The following AGBL3 variants were observed in gnomAD, a reference collection of about 807,000 sequenced individuals.
AGBL3 encodes AGBL carboxypeptidase 3, also known as cytosolic carboxypeptidase 3.
Under a neutral mutation model 94.5 loss-of-function variants are expected in AGBL3, and 68 were observed. That is an observed-to-expected ratio of 0.72 (90% CI 0.59 to 0.88). The LOEUF is 0.88. Ranked by LOEUF, AGBL3 falls within the 40% of genes least tolerant of loss-of-function variation. AGBL3 has a pLI of 0.00. For missense variants in AGBL3, 934 were observed against 1,103.8 expected (o/e 0.85, Z 2.18); for synonymous variants, 354 against 370.7 (o/e 0.95, Z 0.52).
intron 16 of AGBL3, 33 bp from the exon 17 acceptor site, chr7:135,134,808 G>T: frequency 6.5e-7 from 1 of 1,536,390 alleles, no homozygotes; most frequent in East Asian, 2.5e-5. Flanking sequence ...GTCCATGATG[G>T]ACAAAAATTC....
chr7:135,050,704 A>G (rs1331189270), intron 11 of AGBL3, among the ~76,000 whole-genome samples: 1 of 151,900 alleles, frequency 6.6e-6, no homozygotes, highest in Admixed American at 6.6e-5. Flanking sequence ...CTTAAAGTCT[A>G]TTTTATCTGA....
chr7:134,993,790 T>C (rs929994013), intron 4 of AGBL3, 112 bp downstream of exon 4: 29 of 875,516 alleles, frequency 3.3e-5, no homozygotes, highest in Non-Finnish European at 4.6e-5. Context: ...AACAGAAATA[T>C]AACATGAGCC....
chr7:134,989,774 A>C (rs1809988190), intron 3 of AGBL3, among the ~76,000 whole-genome samples: 1 of 152,142 alleles, frequency 6.6e-6, no homozygotes, highest in Admixed American at 6.5e-5. Context: ...ATCTCTACTA[A>C]ATATTTACAT....
intron 12 of AGBL3, among the ~76,000 whole-genome samples, chr7:135,071,725 C>T (rs941573763): frequency 1.3e-5 from 2 of 152,206 alleles, no homozygotes; most frequent in African/African-American, 4.8e-5. Context: ...AAAGCTGAAA[C>T]TGAATCTCTT....
At chr7:135,109,311 C>G (rs527486474) in intron 15 of AGBL3, among the ~76,000 whole-genome samples, 1 of 152,328 alleles carries the variant, frequency 6.6e-6, no homozygotes, top group East Asian at 1.9e-4. Flanking sequence ...CGGGTGAGGG[C>G]TGCAAGAGAG....
rs1304631672 is a variant in AGBL3, at chr7:135,037,629, T to C, written c.1500+49T>C. On this transcript the variant is annotated intron_variant, in intron 8 of 16. Transcript: ENST00000436302. The stretch of plus-strand genomic sequence containing the variant: ...CTTTTCCTTTATCAAATGTTGCCCA[T>C]GTGAGATAGCAGAATGGCCCACGTG... 10 of 1,441,024 alleles carry C rather than the reference T, an allele frequency of 6.9e-6. No homozygotes were observed. In the South Asian group the frequency reaches 8.8e-5, roughly 13 times the overall value. 89.3% of individuals were successfully genotyped at this position (1,441,024 alleles called of 1,614,324 possible).
intron 16 of AGBL3, 103 bp downstream of exon 16, chr7:135,115,714 A>G (rs1826225976): frequency 1.0e-6 from 1 of 953,832 alleles, no homozygotes; most frequent in Non-Finnish European, 1.5e-6. Context: ...TCTGCTCTTG[A>G]AAATGATGTC....
intron 3 of AGBL3, among the ~76,000 whole-genome samples, chr7:134,992,350 G>C (rs1198264179): frequency 6.6e-6 from 1 of 152,098 alleles, no homozygotes; most frequent in East Asian, 1.9e-4. Flanking sequence ...GAGAAATCTT[G>C]CCTGACCACC....
chr7:135,084,007 T>C (rs1171570432), intron 15 of AGBL3, among the ~76,000 whole-genome samples: 2 of 152,200 alleles, frequency 1.3e-5, no homozygotes, highest in Admixed American at 6.5e-5. Flanking sequence ...GGCCAAGCAG[T>C]TGGGGCCCAG....
At position 135,034,920 on chromosome 7, in the gene AGBL3, G is replaced by A. The variant is rs774834856; in HGVS notation, c.1329G>A (p.Met443Ile). 668 of 1,494,244 alleles carry A rather than the reference G, an allele frequency of 4.5e-4. No homozygotes were observed. The highest frequency in any genetic ancestry group is 5.7e-4 in the Non-Finnish European group (638 of 1,122,950). 92.6% of individuals were successfully genotyped at this position (1,494,244 alleles called of 1,614,324 possible). Residue 443 changes from methionine to isoleucine, a missense_variant, in exon 7 of 17, where the codon ATG (methionine) becomes ATA (isoleucine). Physicochemically the swap from Met to Ile is conservative, Grantham distance 10 (BLOSUM62 1). Transcript: ENST00000436302. The part of the protein sequence containing the change: ...SFPSVWYTRN[M>I]VHRLMEKREV... ...CTTCTGTATGGTATACCCGGAACAT[G>A]GTTCATAGGTAAAATAAGCCTCAAA...
At chr7:135,056,550 G>A (rs2116665060) in intron 11 of AGBL3, among the ~76,000 whole-genome samples, 1 of 151,740 alleles carries the variant, frequency 6.6e-6, no homozygotes, top group Non-Finnish European at 1.5e-5. Context: ...ATTATAGAAG[G>A]ATTTAAAGAT....
intron 12 of AGBL3, among the ~76,000 whole-genome samples, chr7:135,062,149 A>T (rs927508355): frequency 4.6e-5 from 7 of 152,026 alleles, no homozygotes; most frequent in Admixed American, 1.3e-4. Context: ...TTTTGTAGAT[A>T]TTATAAATGG....
chr7:134,991,047 T>G (rs528964570), intron 3 of AGBL3, among the ~76,000 whole-genome samples: 1 of 152,164 alleles, frequency 6.6e-6, no homozygotes, highest in Non-Finnish European at 1.5e-5. Context: ...TATGCTTATT[T>G]GGTTCTTTCC....
At chr7:135,053,298 G>GT (rs965797178) in intron 11 of AGBL3, among the ~76,000 whole-genome samples, 5 of 152,070 alleles carry the variant, frequency 3.3e-5, no homozygotes, top group African/African-American at 1.2e-4. Context: ...AAAGTAGTTA[G>GT]TACCTTGTTA....
chr7:135,096,563 AGATAGATAGAT>A (rs1563259962), intron 15 of AGBL3, among the ~76,000 whole-genome samples: 1 of 90,110 alleles, frequency 1.1e-5, no homozygotes, highest in Non-Finnish European at 2.3e-5. Context: ...AAAGAAAGAT[AGATAGATAGAT>A]AGATAGATAC....
intron 15 of AGBL3, among the ~76,000 whole-genome samples, chr7:135,113,053 A>G (rs1258442763): frequency 6.6e-6 from 1 of 152,206 alleles, no homozygotes; most frequent in Non-Finnish European, 1.5e-5. Flanking sequence ...CTGAGATTAC[A>G]AGCATGAGCT....
intron 11 of AGBL3, among the ~76,000 whole-genome samples, chr7:135,048,673 T>C (rs1020741579): frequency 6.6e-6 from 1 of 151,882 alleles, no homozygotes; most frequent in Non-Finnish European, 1.5e-5. Flanking sequence ...TCATTATTAG[T>C]ATATAGAAAC....
intron 12 of AGBL3, among the ~76,000 whole-genome samples, chr7:135,072,503 T>C (rs1820019560): frequency 6.6e-6 from 1 of 152,146 alleles, no homozygotes; most frequent in African/African-American, 2.4e-5. Context: ...AGCAAAGTCT[T>C]GGAACCAACC....
chr7:135,053,324 C>CA (rs976674893), intron 11 of AGBL3, among the ~76,000 whole-genome samples: 29 of 152,062 alleles, frequency 1.9e-4, no homozygotes, highest in African/African-American at 6.7e-4. Flanking sequence ...AGGATTCAGC[C>CA]AGGCCGGGCA....
Sources: allele counts gnomAD v4.1 joint callset (sites outside exome capture counted in the v4.1 genomes callset), GRCh38; gene constraint gnomAD v4.1.1; transcripts MANE v1.5; gene names NCBI Gene and HGNC (gene_info 2026-07-23, HGNC 2026-07-21).